ARHGAP32: variants seen among roughly 807,000 people sequenced by gnomAD.
ARHGAP32 encodes Rho GTPase activating protein 32.
In ARHGAP32, 51 loss-of-function variants were observed where a neutral mutation model predicts 186.5. The ratio of observed to expected loss-of-function variants is 0.27; its 90% CI spans 0.22 to 0.35. The LOEUF (loss-of-function observed/expected upper bound fraction) is 0.35, where lower values mean the gene tolerates loss of function less well. Ranked by LOEUF, ARHGAP32 falls within the 10% of genes least tolerant of loss-of-function variation. The pLI, the probability that ARHGAP32 is intolerant of heterozygous loss-of-function variation, is 1.00. For missense variants in ARHGAP32, 2,186 were observed against 2,623.5 expected (o/e 0.83, Z 3.64); for synonymous variants, 950 against 964.3 (o/e 0.99, Z 0.27).
chr11:129,018,080 G>A (rs1938436365), intron 11 of ARHGAP32, among the ~76,000 whole-genome samples: 1 of 151,932 alleles, frequency 6.6e-6, no homozygotes, highest in Non-Finnish European at 1.5e-5. Context: ...TGGGATACAA[G>A]TGCAGAACGT....
chr11:129,046,017 T>C (rs1450311892), intron 10 of ARHGAP32, among the ~76,000 whole-genome samples: 2 of 152,180 alleles, frequency 1.3e-5, no homozygotes, highest in Non-Finnish European at 2.9e-5. Context: ...CCACCAGACA[T>C]GCTAATCTAT....
chr11:128,998,254 G>T, intron 12 of ARHGAP32, 65 bp downstream of exon 12: 1 of 1,323,578 alleles, frequency 7.6e-7, no homozygotes, highest in Non-Finnish European at 1.0e-6. Context: ...TCCATAATTG[G>T]TTATAGCAAA....
chr11:129,093,955 A>C (rs1239425181), intron 5 of ARHGAP32, among the ~76,000 whole-genome samples: 1 of 152,144 alleles, frequency 6.6e-6, no homozygotes. Flanking sequence ...TATTTAGTAC[A>C]TACATGAAAC....
At chr11:128,993,816 C>T (rs1346249409) in intron 12 of ARHGAP32, among the ~76,000 whole-genome samples, 3 of 151,828 alleles carry the variant, frequency 2.0e-5, no homozygotes, top group Non-Finnish European at 2.9e-5. Context: ...CTCAACCTCT[C>T]AAGGAGCTGG....
intron 1 of ARHGAP32, among the ~76,000 whole-genome samples, chr11:129,225,455 CA>C (rs766639322): frequency 5.9e-5 from 9 of 152,136 alleles, no homozygotes; most frequent in African/African-American, 1.2e-4. Flanking sequence ...AGCCTCTCAG[CA>C]AAAACTGGGA....
intron 11 of ARHGAP32, among the ~76,000 whole-genome samples, chr11:129,036,562 T>C (rs890947140): frequency 5.3e-5 from 8 of 152,112 alleles, no homozygotes; most frequent in African/African-American, 1.9e-4. Flanking sequence ...GAAAGATGGA[T>C]AAAAATATGT....
intron 1 of ARHGAP32, among the ~76,000 whole-genome samples, chr11:129,246,869 A>C (rs1373366583): frequency 2.6e-5 from 4 of 152,220 alleles, no homozygotes; most frequent in Non-Finnish European, 5.9e-5. Context: ...CTCTACCATG[A>C]ACCATGCTGT....
intron 6 of ARHGAP32, among the ~76,000 whole-genome samples, chr11:129,072,703 C>T (rs1940908808): frequency 6.6e-6 from 1 of 152,122 alleles, no homozygotes; most frequent in Non-Finnish European, 1.5e-5. Context: ...GATGACAAGT[C>T]TGAGCAATAA....
chr11:129,086,621 A>T (rs1381466439), intron 6 of ARHGAP32, among the ~76,000 whole-genome samples: 1 of 152,120 alleles, frequency 6.6e-6, no homozygotes, highest in Non-Finnish European at 1.5e-5. Context: ...GGAGATCGAG[A>T]CCATCCCGGC....
intron 8 of ARHGAP32, 127 bp from the exon 9 acceptor site, chr11:129,064,151 T>C (rs1356433163): frequency 3.8e-6 from 2 of 520,988 alleles, no homozygotes; most frequent in Non-Finnish European, 6.4e-6. Context: ...AAAAAAAAAC[T>C]ACCATTTACT....
Position 129,014,002 on chromosome 11 carries a change from A to T in ARHGAP32, c.1046-15534T>A, listed in dbSNP as rs1401205244. ...CCAAACATCCTGGATTAGAGACACT[A>T]AAATGATACCAATGGTATTTCCACA... is the stretch of plus-strand genomic sequence containing the variant. On this transcript the variant is annotated intron_variant, in intron 11 of 22. Coordinates refer to ENST00000682385, the MANE Select transcript of ARHGAP32 (RefSeq NM_001378024.1). 2.0e-5 allele frequency among the ~76,000 whole-genome samples: 3 copies of T among 152,356 alleles called. No homozygotes were observed. In the East Asian group the frequency reaches 5.8e-4, roughly 29 times the overall value.
At position 128,968,624 on chromosome 11, in the gene ARHGAP32, T is replaced by C. The variant is rs1945271272; in HGVS notation, c.*283A>G. 3 of 267,654 alleles carry C rather than the reference T, an allele frequency of 1.1e-5. No homozygotes were observed. The highest frequency in any genetic ancestry group is 2.1e-5 in the Non-Finnish European group (3 of 144,234). 16.6% of individuals were successfully genotyped at this position (267,654 alleles called of 1,614,324 possible). A position where few individuals can be genotyped will look rare whatever the true frequency, so the allele number is the denominator to read the frequency against. On this transcript the variant is annotated 3_prime_UTR_variant, in exon 23 of 23. Transcript: ENST00000682385. ...CAGGCTCTTTCAAGCTAGCCCTAGA[T>C]GGCAAGTGTGTCCTGAGACAGGTTT...
chr11:129,253,391 G>C (rs1385386523), intron 1 of ARHGAP32, among the ~76,000 whole-genome samples: 1 of 152,138 alleles, frequency 6.6e-6, no homozygotes, highest in Non-Finnish European at 1.5e-5. Context: ...TAAAGAACAT[G>C]TAGCACATGT....
At chr11:129,238,637 C>T (rs563809390) in intron 1 of ARHGAP32, among the ~76,000 whole-genome samples, 191 of 152,144 alleles carry the variant, frequency 1.3e-3, no homozygotes, top group Non-Finnish European at 2.5e-3. Context: ...CAGCTACTTA[C>T]AAGGCTCAGG....
intron 5 of ARHGAP32, among the ~76,000 whole-genome samples, chr11:129,118,399 T>C (rs1165868267): frequency 6.6e-6 from 1 of 151,922 alleles, no homozygotes; most frequent in Non-Finnish European, 1.5e-5. Flanking sequence ...AAATTAATGG[T>C]ATGAAAAATA....
intron 11 of ARHGAP32, among the ~76,000 whole-genome samples, chr11:129,013,355 T>G (rs1304160798): frequency 2.6e-5 from 4 of 152,096 alleles, no homozygotes; most frequent in Non-Finnish European, 4.4e-5. Context: ...GGTGTGTGAG[T>G]GGGAGGGGTG....
chr11:129,147,058 T>C (rs1377878182), intron 2 of ARHGAP32, among the ~76,000 whole-genome samples: 1 of 152,116 alleles, frequency 6.6e-6, no homozygotes, highest in Non-Finnish European at 1.5e-5. Flanking sequence ...ATCTCATTTA[T>C]ACTGTTTTCA....
chr11:129,222,493 C>T (rs573553102), intron 1 of ARHGAP32, among the ~76,000 whole-genome samples: 1 of 152,212 alleles, frequency 6.6e-6, no homozygotes, highest in African/African-American at 2.4e-5. Context: ...TAGAATTACA[C>T]CCTAATTAAG....
intron 1 of ARHGAP32, among the ~76,000 whole-genome samples, chr11:129,276,001 C>T (rs1188672317): frequency 6.6e-6 from 1 of 152,202 alleles, no homozygotes; most frequent in African/African-American, 2.4e-5. Context: ...AAGTCTTGTC[C>T]AGCCTTGGCA....
Sources: gnomAD v4.1 joint callset for allele counts (sites outside exome capture counted in the v4.1 genomes callset) on GRCh38, gnomAD v4.1.1 for gene constraint, MANE v1.5 for transcripts, NCBI Gene and HGNC (gene_info 2026-07-23, HGNC 2026-07-21) for gene names.